ITPR2: variants seen among roughly 807,000 people sequenced by gnomAD.
ITPR2 encodes inositol 1,4,5-trisphosphate receptor type 2.
ITPR2 carries 207 observed loss-of-function variants against 317.1 expected under a neutral mutation model. That is an observed-to-expected ratio of 0.65 (90% confidence interval 0.58 to 0.73). The LOEUF (loss-of-function observed/expected upper bound fraction) is 0.73. Ranked by LOEUF, ITPR2 falls within the 30% of genes least tolerant of loss-of-function variation. The pLI is 0.00. For synonymous variants in ITPR2, 1,156 were observed against 1,149.1 expected (o/e 1.01, Z -0.12); for missense variants, 2,613 against 3,284.0 (o/e 0.80, Z 4.99).
At chr12:26,672,190 C>T (rs1361542251) in intron 13 of ITPR2, among the ~76,000 whole-genome samples, 1 of 151,810 alleles carries the variant, frequency 6.6e-6, no homozygotes, top group African/African-American at 2.4e-5. Context: ...CAGCTCTGCA[C>T]CAAGCAGACC....
intron 34 of ITPR2, among the ~76,000 whole-genome samples, chr12:26,575,181 G>A (rs193156157): frequency 6.9e-6 from 1 of 145,702 alleles, no homozygotes. Flanking sequence ...GAGCCATGTG[G>A]GGGCATCCTA....
At chr12:26,772,491 C>CATTATTATATATATAATAT (rs3064583) in intron 2 of ITPR2, among the ~76,000 whole-genome samples, 5 of 100,516 alleles carry the variant, frequency 5.0e-5, no homozygotes, top group African/African-American at 1.7e-4. Flanking sequence ...ATATATAATA[C>CATTATTATATATATAATAT]ATATAATACA....
At chr12:26,715,900 G>A in intron 6 of ITPR2, 65 bp from the exon 7 acceptor site, 1 of 1,134,110 alleles carries the variant, frequency 8.8e-7, no homozygotes, top group East Asian at 2.4e-5. Context: ...GAAATTATTA[G>A]TTCAACTAGT....
intron 3 of ITPR2, 33 bp from the exon 4 acceptor site, chr12:26,724,775 A>G: frequency 6.7e-7 from 1 of 1,484,150 alleles, no homozygotes; most frequent in Non-Finnish European, 9.3e-7. Context: ...TCAGTGTAGA[A>G]ATATAGTAAA....
chr12:26,453,480 G>T (rs2136764259), intron 45 of ITPR2, among the ~76,000 whole-genome samples: 1 of 152,270 alleles, frequency 6.6e-6, no homozygotes, highest in East Asian at 1.9e-4. Context: ...CTAAAACACA[G>T]ATAGACATTA....
chr12:26,444,925 A>G (rs1941573032), intron 45 of ITPR2, among the ~76,000 whole-genome samples: 1 of 152,102 alleles, frequency 6.6e-6, no homozygotes, highest in Non-Finnish European at 1.5e-5. Context: ...CCTATTTTCT[A>G]TTTACATTTT....
chr12:26,474,608 G>A lies in ITPR2; in HGVS notation c.6342+688C>T, dbSNP rs372361500. 8.9e-3 allele frequency among the ~76,000 whole-genome samples: 1,351 copies of A among 151,544 alleles called. 12 individuals are homozygous for A. The highest frequency in any genetic ancestry group is 0.018 in the African/African-American group (749 of 41,344). On this transcript the variant is annotated intron_variant, in intron 45 of 56. Transcript: ENST00000381340. ...GGAGATCGAGACCATCCCGGCTAAA[G>A]CGGTGAAACCCCGTCTCTACTAAAA...
chr12:26,362,031 T>C (rs1287774535), intron 55 of ITPR2, among the ~76,000 whole-genome samples: 1 of 152,210 alleles, frequency 6.6e-6, no homozygotes, highest in East Asian at 1.9e-4. Context: ...TAGAATCCCA[T>C]TGCAATAAAT....
At chr12:26,787,662 G>T (rs1284063141) in intron 2 of ITPR2, among the ~76,000 whole-genome samples, 1 of 152,150 alleles carries the variant, frequency 6.6e-6, no homozygotes, top group African/African-American at 2.4e-5. Context: ...GGCTGCCCAG[G>T]CTCATGCCTG....
At chr12:26,724,576 T>A (rs1300144875) in intron 4 of ITPR2, 80 bp downstream of exon 4, 12 of 809,826 alleles carry the variant, frequency 1.5e-5, no homozygotes, top group Non-Finnish European at 2.3e-5. Flanking sequence ...TCTCAAAATT[T>A]TAACGCAGTT....
intron 1 of ITPR2, among the ~76,000 whole-genome samples, chr12:26,813,531 C>T (rs572777064): frequency 6.6e-6 from 1 of 152,198 alleles, no homozygotes; most frequent in Non-Finnish European, 1.5e-5. Context: ...CAGAAACTCC[C>T]CTCCCTTTTT....
In ITPR2 at chr12:26,832,857, G is replaced by C; in HGVS notation, c.-76C>G. The C allele has an allele frequency of 8.5e-7, 1 of 1,171,358 alleles. No individual in the cohort carries two copies. Among genetic ancestry groups the C allele is most frequent in the Non-Finnish European group, 1.3e-6 (1 of 798,030 alleles). 72.6% of individuals were successfully genotyped at this position (1,171,358 alleles called of 1,614,324 possible). On this transcript the variant is annotated 5_prime_UTR_variant, in exon 1 of 57. Coordinates refer to ENST00000381340, the MANE Select transcript of ITPR2 (RefSeq NM_002223.4). ...CGCCCTCTCTCCAGGGAGCCGCCGCGGCAGAAGCGGATCGGATCGCGGGAC... is the reference window on the plus strand; with the variant it reads ...CGCCCTCTCTCCAGGGAGCCGCCGCCGCAGAAGCGGATCGGATCGCGGGAC...
At chr12:26,714,858 G>A (rs1173148412) in intron 8 of ITPR2, among the ~76,000 whole-genome samples, 1 of 152,194 alleles carries the variant, frequency 6.6e-6, no homozygotes, top group Non-Finnish European at 1.5e-5. Context: ...AATAGAAATG[G>A]CATCTACAGA....
At chr12:26,656,258 G>A (rs764792467) in intron 19 of ITPR2, 39 bp downstream of exon 19, 3 of 1,607,408 alleles carry the variant, frequency 1.9e-6, no homozygotes, top group Non-Finnish European at 2.6e-6. Flanking sequence ...GAGTTCATCT[G>A]ATGAATTCCA....
At chr12:26,498,855 G>GC (rs1429545509) in intron 37 of ITPR2, among the ~76,000 whole-genome samples, 1 of 152,046 alleles carries the variant, frequency 6.6e-6, no homozygotes, top group Non-Finnish European at 1.5e-5. Context: ...TTATTATTTA[G>GC]AGATAGGGTC....
rs866993101 is a variant in ITPR2 at position 26,784,377 on chromosome 12, T to C, written c.163+5780A>G. The stretch of plus-strand genomic sequence containing the variant: ...TCTCCCTCTCCCTCCACGGTCTCCT[T>C]CCACGGTCTCCCTCTGATGCCGAGC... On this transcript the variant is annotated intron_variant, in intron 2 of 56. Coordinates refer to ENST00000381340, the MANE Select transcript of ITPR2 (RefSeq NM_002223.4). 5.9e-3 allele frequency among the ~76,000 whole-genome samples: 739 copies of C among 124,792 alleles called. 14 individuals carry two copies. The highest frequency in any genetic ancestry group is 0.02 in the African/African-American group (684 of 34,234). 81.9% of individuals were successfully genotyped at this position (124,792 alleles called of 152,430 possible). A position where few individuals can be genotyped will look rare whatever the true frequency, so the allele number is the denominator to read the frequency against.
chr12:26,650,812 T>C (rs1947233528), intron 21 of ITPR2, among the ~76,000 whole-genome samples: 1 of 152,206 alleles, frequency 6.6e-6, no homozygotes, highest in Admixed American at 6.5e-5. Flanking sequence ...GTCTCACTAG[T>C]GAGATTCAGG....
At chr12:26,763,765 A>C (rs1009298650) in intron 2 of ITPR2, among the ~76,000 whole-genome samples, 6 of 152,100 alleles carry the variant, frequency 3.9e-5, no homozygotes, top group Non-Finnish European at 7.4e-5. Flanking sequence ...TTATATGATT[A>C]CCTGAATGCT....
In ITPR2 at chr12:26,658,276, TTATC is replaced by T. The variant is rs1456208379; in HGVS notation, c.1887-150_1887-147del. On this transcript the variant is annotated intron_variant, in intron 16 of 56. Transcript: ENST00000381340. ...ACACAACATTTGTCTAATGTGTTGT[TTATC>T]TACTGCATCATTAGAAACAAATTAA... 196 of 447,606 alleles carry T rather than the reference TTATC, an allele frequency of 4.4e-4. 1 individual carries two copies. Among genetic ancestry groups the T allele is most frequent in the Non-Finnish European group, 5.3e-4 (145 of 272,656 alleles). 27.7% of individuals were successfully genotyped at this position (447,606 alleles called of 1,614,324 possible).
Sources: allele counts gnomAD v4.1 joint callset (sites outside exome capture counted in the v4.1 genomes callset), GRCh38; gene constraint gnomAD v4.1.1; transcripts MANE v1.5; gene names NCBI Gene and HGNC (gene_info 2026-07-23, HGNC 2026-07-21).